Variants in PHACTR1 observed in about 807,000 individuals in gnomAD.
PHACTR1 encodes the protein phosphatase and actin regulator 1.
Under a neutral mutation model 69.2 loss-of-function variants are expected in PHACTR1, and 16 were observed. That is an observed-to-expected ratio of 0.23 (90% CI 0.16 to 0.35). The LOEUF (loss-of-function observed/expected upper bound fraction) is 0.35. Among genes scored for constraint, PHACTR1 ranks in the 10% least tolerant of loss-of-function variants. PHACTR1 has a pLI of 1.00. For missense variants in PHACTR1, 510 were observed against 734.7 expected, an observed-to-expected ratio of 0.69 and a Z score of 3.54; for synonymous variants, 312 against 284.5, an observed-to-expected ratio of 1.10 and a Z score of -0.97.
chr6:13,037,314 C>G (rs1387779035), intron 4 of PHACTR1, among the ~76,000 whole-genome samples: 1 of 152,122 alleles, frequency 6.6e-6, no homozygotes, highest in Non-Finnish European at 1.5e-5. Context: ...AGGCACCCCC[C>G]CAAACTCCCC....
rs1045076526 is a variant in PHACTR1 at position 13,283,645 on chromosome 6, G to T, written c.1650+83G>T. The T allele has an allele frequency of 6.2e-7, 1 of 1,602,784 alleles. No homozygotes were observed. The highest frequency in any genetic ancestry group is 8.5e-7 in the Non-Finnish European group (1 of 1,173,206). ...GGCTCACCGCTGGGGAGCGTGTAGGGAGACCTGCAGCCAGGCCTCAGCCGC... is the reference window on the plus strand; with the variant it reads ...GGCTCACCGCTGGGGAGCGTGTAGGTAGACCTGCAGCCAGGCCTCAGCCGC... On this transcript the variant is annotated intron_variant, in intron 13 of 14. Transcript: ENST00000332995. The surrounding 1 kb of genome is among the most constrained non-coding windows in gnomAD (Gnocchi z 4.7).
intron 4 of PHACTR1, among the ~76,000 whole-genome samples, chr6:12,859,969 T>C (rs1435159388): frequency 6.7e-6 from 1 of 149,376 alleles, no homozygotes; most frequent in Admixed American, 6.8e-5. Flanking sequence ...TCTTAACTAA[T>C]GGCTTAAGAA....
Position 13,246,325 on chromosome 6 carries a change from C to A in PHACTR1, c.1391+16132C>A, listed in dbSNP as rs1344186925. Among the ~76,000 whole-genome samples the A allele has an allele frequency of 6.6e-6, 1 of 152,012 alleles. No homozygotes were observed. The highest frequency in any genetic ancestry group is 1.5e-5 in the Non-Finnish European group (1 of 68,024). On this transcript the variant is annotated intron_variant, in intron 10 of 14. Coordinates refer to ENST00000332995, the MANE Select transcript of PHACTR1 (RefSeq NM_030948.6). This position sits in a 1 kb window ranked among gnomAD's most constrained non-coding sequence, Gnocchi z 4.2. Reference sequence around the variant, plus strand: ...CCTTGAATTCTCCCACAGATACATTCTTTCACGGCCACCATGATCTTCCTT... The same window carrying A: ...CCTTGAATTCTCCCACAGATACATTATTTCACGGCCACCATGATCTTCCTT...
chr6:13,173,123 C>T (rs556380292), intron 6 of PHACTR1, among the ~76,000 whole-genome samples: 1 of 152,224 alleles, frequency 6.6e-6, no homozygotes, highest in Non-Finnish European at 1.5e-5. Flanking sequence ...AACACAAACA[C>T]ACACAACAAA....
At chr6:13,103,106 T>A (rs1815455622) in intron 5 of PHACTR1, among the ~76,000 whole-genome samples, 1 of 152,204 alleles carries the variant, frequency 6.6e-6, no homozygotes. Flanking sequence ...TCTACTTATT[T>A]CCACCTATTA....
intron 4 of PHACTR1, among the ~76,000 whole-genome samples, chr6:12,971,890 C>T (rs1220682260): frequency 6.6e-6 from 1 of 152,168 alleles, no homozygotes; most frequent in African/African-American, 2.4e-5. Context: ...ATTAATGATG[C>T]AGATACAAGC....
intron 4 of PHACTR1, among the ~76,000 whole-genome samples, chr6:13,030,791 A>G (rs989971009): frequency 6.6e-6 from 1 of 152,386 alleles, no homozygotes; most frequent in Non-Finnish European, 1.5e-5. Context: ...TCAGTAATGT[A>G]TAGAAGAGGT....
chr6:12,900,300 C>A, intron 4 of PHACTR1, among the ~76,000 whole-genome samples: 1 of 151,148 alleles, frequency 6.6e-6, no homozygotes, highest in East Asian at 1.9e-4. Flanking sequence ...TTTTTCGAAG[C>A]GGATACCTTT....
chr6:12,724,981 G>C (rs1445430422), intron 3 of PHACTR1, among the ~76,000 whole-genome samples: 1 of 152,066 alleles, frequency 6.6e-6, no homozygotes, highest in Non-Finnish European at 1.5e-5. Context: ...TTAGAACCAG[G>C]CTCAGTCGTC....
intron 6 of PHACTR1, among the ~76,000 whole-genome samples, chr6:13,165,560 A>G (rs1192818008): frequency 1.3e-5 from 2 of 152,122 alleles, no homozygotes; most frequent in Admixed American, 6.5e-5. Flanking sequence ...AATAATACAT[A>G]TAGTATTTGT....
At chr6:12,989,621 GGT>G (rs1562100144) in intron 4 of PHACTR1, among the ~76,000 whole-genome samples, 1 of 152,172 alleles carries the variant, frequency 6.6e-6, no homozygotes. Flanking sequence ...TCCAAAGTCC[GGT>G]GGTGACAAAG....
chr6:13,231,221 AAAG>A (rs1441339665), intron 10 of PHACTR1, among the ~76,000 whole-genome samples: 2 of 143,152 alleles, frequency 1.4e-5, no homozygotes, highest in Non-Finnish European at 3.1e-5. Flanking sequence ...AAGGGAAAAG[AAAG>A]AAGGAAAGAG....
At chr6:12,981,810 A>T (rs114108225) in intron 4 of PHACTR1, among the ~76,000 whole-genome samples, 2 of 152,192 alleles carry the variant, frequency 1.3e-5, no homozygotes, top group African/African-American at 4.8e-5. Flanking sequence ...GCCTCAGCGC[A>T]TCTTGGCATA....
chr6:13,278,367 G>C (rs879148425), intron 12 of PHACTR1, 38 bp downstream of exon 12: 4 of 1,559,832 alleles, frequency 2.6e-6, no homozygotes, highest in Non-Finnish European at 3.5e-6. Flanking sequence ...GGACAGGAGA[G>C]GGTGGGCTGC....
At chr6:13,190,196 G>GTTTTTTTTTTTTTTTTTTTTTTT (rs1220683843) in intron 7 of PHACTR1, among the ~76,000 whole-genome samples, 1 of 31,822 alleles carries the variant, frequency 3.1e-5, no homozygotes, top group African/African-American at 1.0e-4. Context: ...GCTAATTTTT[G>GTTTTTTTTTTTTTTTTTTTTTTT]TATTTTTTTT....
intron 4 of PHACTR1, among the ~76,000 whole-genome samples, chr6:12,975,872 G>T (rs778404362): frequency 3.9e-5 from 6 of 152,182 alleles, no homozygotes; most frequent in Non-Finnish European, 8.8e-5. Flanking sequence ...GGCATGAGCT[G>T]CCTTGGTAGG....
At chr6:12,732,254 T>C (rs1763632687) in intron 3 of PHACTR1, among the ~76,000 whole-genome samples, 2 of 152,206 alleles carry the variant, frequency 1.3e-5, no homozygotes, top group African/African-American at 4.8e-5. Context: ...ATAGGTATTC[T>C]TTACAACCTG....
chr6:13,218,844 AGGAGGAGGAAAGAGAAGAG>A (rs1432864633), intron 8 of PHACTR1, among the ~76,000 whole-genome samples: 7 of 147,824 alleles, frequency 4.7e-5, no homozygotes, highest in African/African-American at 1.5e-4. Flanking sequence ...GAGGAGGAGG[AGGAGGAGGAAAGAGAAGAG>A]AAGAGAAGAG....
intron 4 of PHACTR1, among the ~76,000 whole-genome samples, chr6:12,812,714 A>G (rs1775161220): frequency 6.6e-6 from 1 of 152,210 alleles, no homozygotes; most frequent in South Asian, 2.1e-4. Flanking sequence ...TTCGAGCACA[A>G]CATTTCAGAG....
Sources: gnomAD v4.1 joint callset for allele counts (sites outside exome capture counted in the v4.1 genomes callset) on GRCh38, gnomAD v4.1.1 for gene constraint, Gnocchi (gnomAD v3.1) non-coding constraint, MANE v1.5 for transcripts, NCBI Gene and HGNC (gene_info 2026-07-23, HGNC 2026-07-21) for gene names.